ANTXR2: variants seen among roughly 807,000 people sequenced by gnomAD.
ANTXR2 encodes ANTXR cell adhesion molecule 2.
A neutral mutation model predicts 73.7 loss-of-function variants in ANTXR2; 44 were observed. That is an observed-to-expected ratio of 0.60 (90% CI 0.47 to 0.77). ANTXR2 has a LOEUF of 0.77. ANTXR2 is among the 30% of genes least tolerant of loss of function. The pLI is 0.00. For missense variants in ANTXR2, 604 were observed against 592.5 expected, an observed-to-expected ratio of 1.02 and a Z score of -0.20; for synonymous variants, 217 against 205.9, an observed-to-expected ratio of 1.05 and a Z score of -0.46.
In ANTXR2 at chr4:79,987,507, T is replaced by C. The variant is rs540629142; in HGVS notation, c.1042-2644A>G. On this transcript the variant is annotated intron_variant, in intron 12 of 16. Coordinates refer to ENST00000403729, the MANE Select transcript of ANTXR2 (RefSeq NM_058172.6). ...TAAGAAGATCAAACCTATGACTCAC[T>C]GGCATTTCTGAAAGAGATAGAGAAC... 3.9e-5 allele frequency among the ~76,000 whole-genome samples: 6 copies of C among 152,286 alleles called. No homozygotes were observed. In the South Asian group the frequency reaches 1.0e-3, roughly 26 times the overall value.
At chr4:79,931,449 TTCTCTCTCTCTCTCTCTC>T (rs142694925) in intron 16 of ANTXR2, among the ~76,000 whole-genome samples, 1 of 134,086 alleles carries the variant, frequency 7.5e-6, no homozygotes, top group East Asian at 2.0e-4. Flanking sequence ...TCCTCGCTTC[TTCTCTCTCTCTCTCTCTC>T]TCTCTCTCTC....
intron 11 of ANTXR2, among the ~76,000 whole-genome samples, chr4:80,015,163 T>C (rs895840098): frequency 3.3e-5 from 5 of 152,198 alleles, no homozygotes; most frequent in African/African-American, 7.2e-5. Flanking sequence ...TGTGAAGCTA[T>C]AGCTACAAGT....
intron 12 of ANTXR2, among the ~76,000 whole-genome samples, chr4:79,991,305 T>G (rs1037195493): frequency 6.6e-6 from 1 of 152,208 alleles, no homozygotes; most frequent in South Asian, 2.1e-4. Context: ...GAACAGGCAC[T>G]TCTCAAAAGA....
intron 14 of ANTXR2, among the ~76,000 whole-genome samples, chr4:79,981,894 T>G (rs1163656490): frequency 6.6e-6 from 1 of 152,162 alleles, no homozygotes; most frequent in African/African-American, 2.4e-5. Flanking sequence ...GAAAAGGATG[T>G]GTGGGCAACA....
chr4:79,951,373 A>C (rs1428303482), intron 16 of ANTXR2, among the ~76,000 whole-genome samples: 3 of 152,098 alleles, frequency 2.0e-5, no homozygotes, highest in Non-Finnish European at 4.4e-5. Context: ...CATGGTCAGG[A>C]GTTTGAGACC....
At chr4:79,921,761 T>C (rs1727600162) in intron 16 of ANTXR2, among the ~76,000 whole-genome samples, 2 of 151,908 alleles carry the variant, frequency 1.3e-5, no homozygotes, top group African/African-American at 4.8e-5. Flanking sequence ...TGTTGGTTGG[T>C]TGGTTGGTTT....
intron 16 of ANTXR2, among the ~76,000 whole-genome samples, chr4:79,917,976 A>G (rs1342338181): frequency 6.6e-6 from 1 of 151,390 alleles, no homozygotes; most frequent in Non-Finnish European, 1.5e-5. Context: ...GGTAACATGC[A>G]TAAAGATACT....
At chr4:80,000,110 A>T (rs1285533166) in intron 12 of ANTXR2, among the ~76,000 whole-genome samples, 2 of 152,082 alleles carry the variant, frequency 1.3e-5, no homozygotes, top group Non-Finnish European at 2.9e-5. Context: ...TAGGTGAGGC[A>T]TCCCTGTGGG....
chr4:79,909,645 C>CAAA (rs987166490), intron 16 of ANTXR2, among the ~76,000 whole-genome samples: 3 of 144,366 alleles, frequency 2.1e-5, no homozygotes, highest in African/African-American at 7.7e-5. Flanking sequence ...ATATAAGCAC[C>CAAA]AAAAAAAAAA....
At chr4:80,015,615 T>C (rs558970426) in intron 11 of ANTXR2, among the ~76,000 whole-genome samples, 1 of 152,058 alleles carries the variant, frequency 6.6e-6, no homozygotes, top group African/African-American at 2.4e-5. Flanking sequence ...ACCTTGTGAT[T>C]TCTCAAGGCA....
At chr4:80,066,536 T>C (rs1381549282) in intron 3 of ANTXR2, among the ~76,000 whole-genome samples, 1 of 152,264 alleles carries the variant, frequency 6.6e-6, no homozygotes, top group African/African-American at 2.4e-5. Context: ...TAAATCCTTT[T>C]AAGAAGGGCA....
chr4:79,976,344 T>G (rs1352282750), intron 16 of ANTXR2, among the ~76,000 whole-genome samples: 1 of 152,162 alleles, frequency 6.6e-6, no homozygotes, highest in African/African-American at 2.4e-5. Flanking sequence ...AGTACTGGAT[T>G]CTGGAGGTGA....
intron 12 of ANTXR2, among the ~76,000 whole-genome samples, chr4:80,007,734 A>C (rs1017491591): frequency 1.3e-5 from 2 of 152,178 alleles, no homozygotes; most frequent in African/African-American, 4.8e-5. Flanking sequence ...GTATGAGGCA[A>C]AGAATCTGAG....
intron 16 of ANTXR2, among the ~76,000 whole-genome samples, chr4:79,935,898 T>C (rs540763656): frequency 1.3e-5 from 2 of 152,308 alleles, no homozygotes; most frequent in East Asian, 1.9e-4. Flanking sequence ...AGCTGTTGCA[T>C]AGCTTTGTTA....
intron 16 of ANTXR2, among the ~76,000 whole-genome samples, chr4:79,935,037 T>C (rs1370980887): frequency 6.6e-6 from 1 of 151,848 alleles, no homozygotes; most frequent in Non-Finnish European, 1.5e-5. Context: ...GGCACATGTA[T>C]ACATATGTAA....
In ANTXR2 at chr4:79,907,579, T is replaced by C. The variant is rs546448321; in HGVS notation, c.1429-112A>G. On this transcript the variant is annotated intron_variant, in intron 16 of 16. Coordinates refer to ENST00000403729, the MANE Select transcript of ANTXR2 (RefSeq NM_058172.6). ...AAATGATTACCCAAGGAAAGTACCA[T>C]GTTAACTTGAGACATGAAGTCATAA... 266 of 1,190,872 alleles carry C rather than the reference T, an allele frequency of 2.2e-4. 1 individual carries two copies. In the African/African-American group the frequency reaches 3.3e-3, roughly 15 times the overall value. The allele number at this position is 1,190,872 out of a possible 1,614,324, so 73.8% of individuals were successfully genotyped here. A position where few individuals can be genotyped will look rare whatever the true frequency, so the allele number is the denominator to read the frequency against.
chr4:79,990,383 C>CAAAAAAAAAAAAAAAAAAAAAAAAAAAA (rs70944757), intron 12 of ANTXR2, among the ~76,000 whole-genome samples: 2 of 76,936 alleles, frequency 2.6e-5, no homozygotes, highest in Non-Finnish European at 5.0e-5. Context: ...ACAACAGTTA[C>CAAAAAAAAAAAAAAAAAAAAAAAAAAAA]AAAAAAAAAA....
At chr4:79,922,200 A>T (rs541608197) in intron 16 of ANTXR2, among the ~76,000 whole-genome samples, 1 of 152,144 alleles carries the variant, frequency 6.6e-6, no homozygotes, top group Admixed American at 6.6e-5. Context: ...CCCTACTTCT[A>T]TGTGCAGATG....
At chr4:79,958,518 C>A (rs886809656) in intron 16 of ANTXR2, among the ~76,000 whole-genome samples, 1 of 152,074 alleles carries the variant, frequency 6.6e-6, no homozygotes, top group African/African-American at 2.4e-5. Flanking sequence ...CAATGTAACA[C>A]TTCCTCACAT....
Sources: allele counts gnomAD v4.1 joint callset (sites outside exome capture counted in the v4.1 genomes callset), GRCh38; gene constraint gnomAD v4.1.1; transcripts MANE v1.5; gene names NCBI Gene and HGNC (gene_info 2026-07-23, HGNC 2026-07-21).